Variants in FUBP3 observed in about 807,000 individuals in gnomAD.
FUBP3 encodes the protein far upstream element binding protein 3.
A neutral mutation model predicts 85.6 loss-of-function variants in FUBP3; 28 were observed. The ratio of observed to expected loss-of-function variants is 0.33; its 90% CI spans 0.24 to 0.45. The LOEUF (loss-of-function observed/expected upper bound fraction) is 0.45. Among genes scored for constraint, FUBP3 ranks in the 20% least tolerant of loss-of-function variants. FUBP3 has a pLI of 1.00. For missense variants in FUBP3, 583 were observed against 755.1 expected, an observed-to-expected ratio of 0.77 and a Z score of 2.67; for synonymous variants, 271 against 271.4, an observed-to-expected ratio of 1.00 and a Z score of 0.01.
intron 16 of FUBP3, among the ~76,000 whole-genome samples, chr9:130,633,950 C>T (rs1260074468): frequency 6.6e-6 from 1 of 152,162 alleles, no homozygotes; most frequent in Non-Finnish European, 1.5e-5. Flanking sequence ...TGGGCCTTGG[C>T]AGGTGGACAC....
chr9:130,579,676 C>T lies in FUBP3; in HGVS notation c.-5C>T. 8.0e-7 allele frequency: 1 copy of T among 1,249,840 alleles called. No individual in the cohort carries two copies. The highest frequency in any genetic ancestry group is 1.5e-5 in the African/African-American group (1 of 65,028). 77.4% of individuals were successfully genotyped at this position (1,249,840 alleles called of 1,614,324 possible). A position where few individuals can be genotyped will look rare whatever the true frequency, so the allele number is the denominator to read the frequency against. On this transcript the variant is annotated 5_prime_UTR_variant, in exon 1 of 19. Coordinates refer to ENST00000319725, the MANE Select transcript of FUBP3 (RefSeq NM_003934.2). ...GCGGCGGCGGCGACGGCGGCGGGGG[C>T]GGTAATGGCGGAGCTGGTGCAGGGG... is the stretch of plus-strand genomic sequence containing the variant.
rs781559569 is a variant in FUBP3 at position 130,623,742 on chromosome 9, T to G, written c.975+31T>G. 19 of 1,470,884 alleles carry G rather than the reference T, an allele frequency of 1.3e-5. No individual in the cohort carries two copies. The Admixed American group carries it at 2.5e-4, about 20-fold the overall frequency. 91.1% of individuals were successfully genotyped at this position (1,470,884 alleles called of 1,614,324 possible). On this transcript the variant is annotated intron_variant, in intron 11 of 18. Coordinates refer to ENST00000319725, the MANE Select transcript of FUBP3 (RefSeq NM_003934.2). ...TCCAGCTCTGCAGAGTGTGAGTGTTTGGGCTGCAGAAGTGGAAAGTGCTAC... is the reference window on the plus strand; with the variant it reads ...TCCAGCTCTGCAGAGTGTGAGTGTTGGGGCTGCAGAAGTGGAAAGTGCTAC...
intron 6 of FUBP3, among the ~76,000 whole-genome samples, chr9:130,614,737 G>C (rs551741179): frequency 1.8e-4 from 27 of 152,270 alleles, no homozygotes; most frequent in African/African-American, 6.0e-4. Context: ...CTTTTGGCTG[G>C]AGGCTGATCC....
chr9:130,586,627 C>T (rs1047070922), intron 1 of FUBP3, among the ~76,000 whole-genome samples: 3 of 152,058 alleles, frequency 2.0e-5, no homozygotes, highest in Non-Finnish European at 4.4e-5. Context: ...CTCAGAGGTG[C>T]ACATGGGTAA....
At chr9:130,623,526 G>A (rs893292069) in intron 10 of FUBP3, 85 bp from the exon 11 acceptor site, 8 of 900,900 alleles carry the variant, frequency 8.9e-6, no homozygotes, top group East Asian at 4.9e-5. Flanking sequence ...CCGCGGGTGA[G>A]AATATTGATT....
chr9:130,621,914 GAAAA>G (rs369252578), intron 9 of FUBP3, among the ~76,000 whole-genome samples: 2,100 of 142,696 alleles, frequency 0.015, 47 homozygotes, highest in African/African-American at 0.051. Flanking sequence ...CAAAAAAAAA[GAAAA>G]AAAAAAGAAC....
At chr9:130,587,069 T>TC (rs1244331032) in intron 1 of FUBP3, among the ~76,000 whole-genome samples, 5 of 61,766 alleles carry the variant, frequency 8.1e-5, no homozygotes, top group Non-Finnish European at 1.4e-4. Context: ...TTTTTTTTTG[T>TC]TTGTTTGTTT....
At chr9:130,582,820 T>A (rs947040062) in intron 1 of FUBP3, among the ~76,000 whole-genome samples, 4 of 152,234 alleles carry the variant, frequency 2.6e-5, no homozygotes, top group Non-Finnish European at 5.9e-5. Flanking sequence ...AATCCCTTGT[T>A]AGGAGAGTGT....
At chr9:130,630,116 C>T (rs146080714) in intron 12 of FUBP3, among the ~76,000 whole-genome samples, 50 of 152,308 alleles carry the variant, frequency 3.3e-4, no homozygotes, top group Admixed American at 2.2e-3. Context: ...ACTGAAGGCC[C>T]GAGTGGGCTC....
chr9:130,616,981 C>T lies in FUBP3; in HGVS notation c.567+464C>T, dbSNP rs1403983789. Reference sequence around the variant, plus strand: ...TGTTGTGATGGAGCTAAAATAATAGCCGTTCTTTTCTTTTTATGTAAGAGC... The same window carrying T: ...TGTTGTGATGGAGCTAAAATAATAGTCGTTCTTTTCTTTTTATGTAAGAGC... On this transcript the variant is annotated intron_variant, in intron 7 of 18. Coordinates refer to ENST00000319725, the MANE Select transcript of FUBP3 (RefSeq NM_003934.2). This position sits in a 1 kb window ranked among gnomAD's most constrained non-coding sequence, Gnocchi z 4.7. Among the ~76,000 whole-genome samples the T allele has an allele frequency of 6.6e-6, 1 of 152,168 alleles. No individual in the cohort carries two copies. The highest frequency in any genetic ancestry group is 2.4e-5 in the African/African-American group (1 of 41,442).
chr9:130,629,645 G>T (rs1830132006), intron 12 of FUBP3, among the ~76,000 whole-genome samples: 1 of 152,202 alleles, frequency 6.6e-6, no homozygotes, highest in African/African-American at 2.4e-5. Flanking sequence ...TTGGTGAGGT[G>T]CCACATGGCA....
chr9:130,579,709 C>T lies in FUBP3; in HGVS notation c.29C>T (p.Ala10Val). Residue 10 changes from alanine to valine, a missense_variant, in exon 1 of 19, where the codon GCT (alanine) becomes GTT (valine). Coordinates refer to ENST00000319725, the MANE Select transcript of FUBP3 (RefSeq NM_003934.2). MAELVQGQS[A>V]PVGMKAEGFV... ...GCGGAGCTGGTGCAGGGGCAGAGCG[C>T]TCCTGTGGGGATGAAGGCCGAGGGC... 2.4e-6 allele frequency: 3 copies of T among 1,272,098 alleles called. No homozygotes were observed. The highest frequency in any genetic ancestry group is 3.0e-6 in the Non-Finnish European group (3 of 1,005,966). 78.8% of individuals were successfully genotyped at this position (1,272,098 alleles called of 1,614,324 possible). A position where few individuals can be genotyped will look rare whatever the true frequency, so the allele number is the denominator to read the frequency against.
At chr9:130,608,646 T>TA (rs1168005865) in intron 2 of FUBP3, among the ~76,000 whole-genome samples, 1 of 152,210 alleles carries the variant, frequency 6.6e-6, no homozygotes, top group East Asian at 1.9e-4. Context: ...TAAGAGTCAG[T>TA]AAAAAACAAT....
Position 130,606,394 on chromosome 9 carries a change from C to T in FUBP3, c.191-3560C>T, listed in dbSNP as rs183730897. Among the ~76,000 whole-genome samples the T allele has an allele frequency of 4.6e-3, 697 of 152,286 alleles. 21 individuals are homozygous for T. The highest frequency in any genetic ancestry group is 0.039 in the Admixed American group (596 of 15,302). On this transcript the variant is annotated intron_variant, in intron 2 of 18. Transcript: ENST00000319725. The stretch of plus-strand genomic sequence containing the variant: ...CTGGTATTCCTCTCTCCCCACCCCC[C>T]CCCAACAGACTCACTCACCTGCCTC...
chr9:130,612,440 T>C lies in FUBP3; in HGVS notation c.225-16T>C. 1 of 1,564,868 alleles carries C rather than the reference T, an allele frequency of 6.4e-7. No individual in the cohort carries two copies. Among genetic ancestry groups the C allele is most frequent in the Non-Finnish European group, 8.8e-7 (1 of 1,139,112 alleles). On this transcript the variant is annotated splice_polypyrimidine_tract_variant and intron_variant, in intron 3 of 18. Transcript: ENST00000319725. This position sits in a 1 kb window ranked among gnomAD's most constrained non-coding sequence, Gnocchi z 4.1. The stretch of plus-strand genomic sequence containing the variant: ...CTGTATTCTGTATTTTTTTCCAAAA[T>C]GTTCTTTGTTTTTAGGACGGTAATA...
intron 2 of FUBP3, among the ~76,000 whole-genome samples, chr9:130,608,684 A>G (rs1007499218): frequency 6.6e-6 from 1 of 152,248 alleles, no homozygotes; most frequent in Non-Finnish European, 1.5e-5. Context: ...AAGCAGATTA[A>G]TAGTGTCTAG....
intron 16 of FUBP3, 26 bp downstream of exon 16, chr9:130,632,304 A>C (rs1208515607): frequency 1.3e-6 from 2 of 1,567,502 alleles, no homozygotes; most frequent in Non-Finnish European, 1.8e-6. Flanking sequence ...CGGGGAGTGC[A>C]TGCCCTCCAG....
intron 1 of FUBP3, among the ~76,000 whole-genome samples, chr9:130,590,021 A>ATTTTTTTT (rs60878897): frequency 4.6e-4 from 21 of 45,994 alleles, no homozygotes; most frequent in African/African-American, 7.7e-4. Flanking sequence ...GGCCTATTTA[A>ATTTTTTTT]TTTTTTTTTT....
chr9:130,637,320 C>T lies in FUBP3; in HGVS notation c.*298C>T, dbSNP rs996440676. 3 of 386,302 alleles carry T rather than the reference C, an allele frequency of 7.8e-6. No homozygotes were observed. Among genetic ancestry groups the T allele is most frequent in the East Asian group, 4.6e-5 (1 of 21,722 alleles). The allele number at this position is 386,302 out of a possible 1,614,324, so 23.9% of individuals were successfully genotyped here. On this transcript the variant is annotated 3_prime_UTR_variant, in exon 19 of 19. Transcript: ENST00000319725. The stretch of plus-strand genomic sequence containing the variant: ...GTGCCTCAGAGCTGTGACATTTCAA[C>T]ATGATGGTTTTGGTTTGGTTTGGTT...
Sources: allele counts gnomAD v4.1 joint callset (sites outside exome capture counted in the v4.1 genomes callset), GRCh38; gene constraint gnomAD v4.1.1; non-coding constraint Gnocchi (gnomAD v3.1); transcripts MANE v1.5; gene names NCBI Gene and HGNC (gene_info 2026-07-23, HGNC 2026-07-21).